LRRTM4: variants seen among roughly 807,000 people sequenced by gnomAD.
The protein encoded by LRRTM4 is leucine rich repeat transmembrane neuronal 4.
Under a neutral mutation model 47.6 loss-of-function variants are expected in LRRTM4, and 25 were observed. The observed-to-expected ratio is 0.53, with a 90% confidence interval of 0.38 to 0.73. The LOEUF (loss-of-function observed/expected upper bound fraction) is 0.73, where lower values mean the gene tolerates loss of function less well. Among genes scored for constraint, LRRTM4 ranks in the 30% least tolerant of loss-of-function variants. The pLI is 0.00. For synonymous variants in LRRTM4, 311 were observed against 269.5 expected, an observed-to-expected ratio of 1.15 and a Z score of -1.51; for missense variants, 638 against 713.4, an observed-to-expected ratio of 0.89 and a Z score of 1.20.
chr2:77,462,376 T>C (rs1461885500), intron 3 of LRRTM4, among the ~76,000 whole-genome samples: 1 of 152,084 alleles, frequency 6.6e-6, no homozygotes, highest in South Asian at 2.1e-4. Flanking sequence ...TTCCATCACA[T>C]AGGAATTACT....
intron 3 of LRRTM4, among the ~76,000 whole-genome samples, chr2:76,885,550 C>T (rs1673048299): frequency 6.6e-6 from 1 of 151,514 alleles, no homozygotes; most frequent in Non-Finnish European, 1.5e-5. Flanking sequence ...GCAAGCTCCG[C>T]CTCCCGGGTT....
intron 3 of LRRTM4, among the ~76,000 whole-genome samples, chr2:76,789,136 A>G (rs1461581224): frequency 6.6e-6 from 1 of 152,070 alleles, no homozygotes; most frequent in African/African-American, 2.4e-5. Flanking sequence ...CTGCACTCAC[A>G]CTCCCTACCT....
chr2:77,134,080 A>G (rs758683341), intron 3 of LRRTM4, among the ~76,000 whole-genome samples: 39 of 152,190 alleles, frequency 2.6e-4, no homozygotes, highest in Non-Finnish European at 5.1e-4. Context: ...AAACACATCC[A>G]TATCTACTTA....
chr2:77,489,906 A>G lies in LRRTM4; in HGVS notation c.1551+28412T>C, dbSNP rs192136450. On this transcript the variant is annotated intron_variant, in intron 3 of 3. Coordinates refer to ENST00000409884, the MANE Select transcript of LRRTM4 (RefSeq NM_001134745.3). ...TGAGTGTGAACAGTGAAACATATCT[A>G]TATGTAGAAAGATCCAGAAGTCATA... 4.6e-3 allele frequency among the ~76,000 whole-genome samples: 695 copies of G among 152,308 alleles called. 5 individuals carry two copies. The highest frequency in any genetic ancestry group is 0.014 in the South Asian group (68 of 4,828).
At chr2:77,249,156 C>A (rs1180480271) in intron 3 of LRRTM4, among the ~76,000 whole-genome samples, 1 of 151,886 alleles carries the variant, frequency 6.6e-6, no homozygotes, top group Non-Finnish European at 1.5e-5. Context: ...TTGAGACCAG[C>A]CTGGCCAACA....
chr2:76,801,844 C>T (rs1482509655), intron 3 of LRRTM4, among the ~76,000 whole-genome samples: 2 of 151,936 alleles, frequency 1.3e-5, no homozygotes, highest in Admixed American at 1.3e-4. Context: ...ATGTGATATG[C>T]CACATTAACA....
intron 3 of LRRTM4, among the ~76,000 whole-genome samples, chr2:76,937,440 T>C (rs917448110): frequency 6.6e-6 from 1 of 152,214 alleles, no homozygotes. Context: ...CCTTCACTTC[T>C]AATCTTTGAA....
At chr2:77,316,571 A>G (rs1403312741) in intron 3 of LRRTM4, among the ~76,000 whole-genome samples, 1 of 150,640 alleles carries the variant, frequency 6.6e-6, no homozygotes, top group African/African-American at 2.4e-5. Flanking sequence ...TTTTTGAGAC[A>G]TAAGTTTCAC....
intron 3 of LRRTM4, among the ~76,000 whole-genome samples, chr2:77,429,030 A>G (rs1220115431): frequency 6.6e-6 from 1 of 152,180 alleles, no homozygotes; most frequent in Non-Finnish European, 1.5e-5. Flanking sequence ...TTTGACAGTA[A>G]TTTCATTTAA....
At chr2:77,018,379 T>A (rs545228199) in intron 3 of LRRTM4, among the ~76,000 whole-genome samples, 6 of 151,980 alleles carry the variant, frequency 3.9e-5, no homozygotes, top group African/African-American at 1.4e-4. Context: ...TTTTGTTTGC[T>A]AATGGCTGGG....
chr2:76,934,203 T>C (rs1674864408), intron 3 of LRRTM4, among the ~76,000 whole-genome samples: 1 of 152,188 alleles, frequency 6.6e-6, no homozygotes, highest in Non-Finnish European at 1.5e-5. Context: ...CACTATAATG[T>C]AATTATGTTG....
chr2:76,872,191 A>G (rs1489740718), intron 3 of LRRTM4, among the ~76,000 whole-genome samples: 2 of 152,222 alleles, frequency 1.3e-5, no homozygotes, highest in Admixed American at 6.5e-5. Context: ...TAAATCAAGC[A>G]AATATAATTT....
intron 3 of LRRTM4, among the ~76,000 whole-genome samples, chr2:77,511,419 A>T (rs572545073): frequency 2.0e-5 from 3 of 151,986 alleles, no homozygotes; most frequent in Non-Finnish European, 4.4e-5. Context: ...TGTGATATTT[A>T]TATTTCGTAT....
chr2:77,518,375 T>A lies in LRRTM4; in HGVS notation c.1494A>T (p.Ile498=). ...YKPTNSETMD[I]SVNGSGPCTY... is the part of the protein sequence containing the mutation. ...TGCAGGGCCCAGATCCATTAACCGA[T>A]ATATCCATGGTCTCAGAGTTTGTAG... The change falls in exon 3 of 4, where the codon ATA becomes ATT. Residue 498 remains isoleucine (I), a synonymous_variant. Transcript: ENST00000409884. 6.2e-7 allele frequency: 1 copy of A among 1,612,900 alleles called. No individual in the cohort carries two copies. The highest frequency in any genetic ancestry group is 8.5e-7 in the Non-Finnish European group (1 of 1,179,400).
At chr2:77,002,945 C>G (rs1677486406) in intron 3 of LRRTM4, among the ~76,000 whole-genome samples, 3 of 152,012 alleles carry the variant, frequency 2.0e-5, no homozygotes, top group Admixed American at 2.0e-4. Flanking sequence ...GTTTTCTGGA[C>G]CACACCAATC....
intron 3 of LRRTM4, among the ~76,000 whole-genome samples, chr2:77,237,622 TA>T (rs1225705680): frequency 6.6e-6 from 1 of 151,762 alleles, no homozygotes; most frequent in Non-Finnish European, 1.5e-5. Flanking sequence ...TGGGGGTGTT[TA>T]CACCCACATA....
At chr2:77,389,150 G>T (rs571112373) in intron 3 of LRRTM4, among the ~76,000 whole-genome samples, 1 of 152,156 alleles carries the variant, frequency 6.6e-6, no homozygotes, top group East Asian at 1.9e-4. Flanking sequence ...TTACTTTGAA[G>T]TGTATCACTG....
chr2:77,467,484 A>C (rs1465923866), intron 3 of LRRTM4, among the ~76,000 whole-genome samples: 2 of 152,198 alleles, frequency 1.3e-5, no homozygotes, highest in African/African-American at 4.8e-5. Context: ...ATTCCACTTC[A>C]GATGGCCCAA....
intron 3 of LRRTM4, among the ~76,000 whole-genome samples, chr2:77,068,782 C>T (rs1680047517): frequency 6.6e-6 from 1 of 152,164 alleles, no homozygotes; most frequent in East Asian, 1.9e-4. Flanking sequence ...CCAAAACTGG[C>T]CATAAACAAA....
Sources: allele counts gnomAD v4.1 joint callset (sites outside exome capture counted in the v4.1 genomes callset), GRCh38; gene constraint gnomAD v4.1.1; transcripts MANE v1.5; gene names NCBI Gene and HGNC (gene_info 2026-07-23, HGNC 2026-07-21).